GTF2H1: variants seen among roughly 807,000 people sequenced by gnomAD.
The protein encoded by GTF2H1 is general transcription factor IIH subunit 1.
GTF2H1 carries 16 observed loss-of-function variants against 71.2 expected under a neutral mutation model. The ratio of observed to expected loss-of-function variants is 0.22; its 90% CI spans 0.15 to 0.34. GTF2H1 has a LOEUF of 0.34. GTF2H1 is among the 10% of genes least tolerant of loss of function. The probability of loss-of-function intolerance (pLI) is 1.00; values close to 1 mark genes in which losing one functional copy is unlikely to be tolerated. For synonymous variants in GTF2H1, 215 were observed against 219.0 expected, an observed-to-expected ratio of 0.98 and a Z score of 0.16; for missense variants, 498 against 648.2, an observed-to-expected ratio of 0.77 and a Z score of 2.52.
intron 1 of GTF2H1, among the ~76,000 whole-genome samples, chr11:18,326,717 C>T (rs879590656): frequency 2.0e-5 from 3 of 152,084 alleles, no homozygotes; most frequent in Non-Finnish European, 4.4e-5. Flanking sequence ...TATCAGCTGT[C>T]CTTGCTCACT....
At chr11:18,324,966 C>T (rs1398659972) in intron 1 of GTF2H1, among the ~76,000 whole-genome samples, 1 of 152,168 alleles carries the variant, frequency 6.6e-6, no homozygotes, top group East Asian at 1.9e-4. Flanking sequence ...TGAAATTATC[C>T]TTAAAACAGT....
intron 1 of GTF2H1, among the ~76,000 whole-genome samples, chr11:18,325,517 G>T (rs764679029): frequency 2.0e-5 from 3 of 152,220 alleles, no homozygotes; most frequent in Non-Finnish European, 2.9e-5. Context: ...CTATATTACA[G>T]AGAACCCGAC....
At chr11:18,334,780 G>A (rs1325213338) in intron 2 of GTF2H1, among the ~76,000 whole-genome samples, 1 of 152,078 alleles carries the variant, frequency 6.6e-6, no homozygotes, top group Non-Finnish European at 1.5e-5. Context: ...TACGTAATAT[G>A]CCCCACCTAG....
chr11:18,356,123 C>T (rs1167971578), intron 11 of GTF2H1, among the ~76,000 whole-genome samples: 1 of 152,160 alleles, frequency 6.6e-6, no homozygotes, highest in Non-Finnish European at 1.5e-5. Context: ...GTGACTCACA[C>T]CTATAGTCCC....
At chr11:18,343,512 A>C (rs1194315333) in intron 7 of GTF2H1, among the ~76,000 whole-genome samples, 1 of 152,082 alleles carries the variant, frequency 6.6e-6, no homozygotes, top group Non-Finnish European at 1.5e-5. Flanking sequence ...ACAGGCTATG[A>C]TCTATGGCCT....
rs774747871 is a variant in GTF2H1 at position 18,347,844 on chromosome 11, T to G, written c.978T>G (p.Asn326Lys). Residue 326 changes from asparagine (N) to lysine (K), a missense_variant, in exon 9 of 15, where the codon AAT becomes AAG. This residue lies in a region of GTF2H1 where 266 missense variants were observed against 301.6 expected (regional missense o/e 0.88). Coordinates refer to ENST00000265963, the MANE Select transcript of GTF2H1 (RefSeq NM_005316.4). The stretch of plus-strand genomic sequence containing the variant: ...CCTTTATTTTAAGAGAAGCACAAAA[T>G]GAACAAACTAGTGAGCCCAGCAACA... ...AAGLRKQEAQ[N>K]EQTSEPSNMD... The G allele has an allele frequency of 6.2e-7, 1 of 1,604,508 alleles. No homozygotes were observed. Among genetic ancestry groups the G allele is most frequent in the Admixed American group, 1.8e-5 (1 of 57,026 alleles).
chr11:18,326,945 C>T (rs1362136618), intron 1 of GTF2H1, among the ~76,000 whole-genome samples: 1 of 151,944 alleles, frequency 6.6e-6, no homozygotes, highest in Non-Finnish European at 1.5e-5. Flanking sequence ...AATATGTTCT[C>T]TAACTCCCAA....
At chr11:18,335,621 A>T in intron 2 of GTF2H1, 133 bp from the exon 3 acceptor site, 1 of 627,158 alleles carries the variant, frequency 1.6e-6, no homozygotes. Context: ...TGCATTCTAC[A>T]AAAGCATCAG....
At chr11:18,357,798 A>G (rs1239926505) in intron 11 of GTF2H1, among the ~76,000 whole-genome samples, 154 bp from the exon 12 acceptor site, 1 of 152,168 alleles carries the variant, frequency 6.6e-6, no homozygotes, top group Non-Finnish European at 1.5e-5. Flanking sequence ...CCCTCAAGGA[A>G]AATAGTTCAC....
intron 7 of GTF2H1, among the ~76,000 whole-genome samples, chr11:18,344,135 C>T (rs1865228211): frequency 6.6e-6 from 1 of 152,092 alleles, no homozygotes; most frequent in East Asian, 1.9e-4. Flanking sequence ...ATGTTTTCCT[C>T]CTGTTATGTC....
At chr11:18,326,659 C>T (rs1472036775) in intron 1 of GTF2H1, among the ~76,000 whole-genome samples, 2 of 152,072 alleles carry the variant, frequency 1.3e-5, no homozygotes, top group Non-Finnish European at 2.9e-5. Context: ...TTTTCCAATA[C>T]TAACACTTTA....
intron 7 of GTF2H1, among the ~76,000 whole-genome samples, chr11:18,346,070 G>A (rs1398526889): frequency 6.6e-6 from 1 of 152,150 alleles, no homozygotes; most frequent in Admixed American, 6.5e-5. Context: ...GATTACAGGC[G>A]TAAGCCACCA....
At chr11:18,352,979 A>ACTTT (rs1276378565) in intron 11 of GTF2H1, among the ~76,000 whole-genome samples, 1 of 152,252 alleles carries the variant, frequency 6.6e-6, no homozygotes, top group African/African-American at 2.4e-5. Flanking sequence ...TAATCCCAAT[A>ACTTT]CTTTGGGAGG....
chr11:18,334,386 A>G (rs1052794642), intron 2 of GTF2H1, among the ~76,000 whole-genome samples: 1 of 152,142 alleles, frequency 6.6e-6, no homozygotes, highest in Non-Finnish European at 1.5e-5. Flanking sequence ...AAAAAGACAT[A>G]TATTTCTGAG....
At chr11:18,364,520 A>G (rs1590202369) in intron 14 of GTF2H1, among the ~76,000 whole-genome samples, 1 of 152,212 alleles carries the variant, frequency 6.6e-6, no homozygotes, top group East Asian at 1.9e-4. Context: ...GTTTGAGACT[A>G]TAGTAAACTA....
intron 11 of GTF2H1, among the ~76,000 whole-genome samples, 176 bp from the exon 12 acceptor site, chr11:18,357,776 A>G (rs1212106081): frequency 1.3e-5 from 2 of 151,984 alleles, no homozygotes; most frequent in Non-Finnish European, 2.9e-5. Flanking sequence ...TTCTACACGG[A>G]TTGTGTTTCT....
Position 18,335,899 on chromosome 11 carries a change from G to T in GTF2H1, c.300G>T (p.Leu100=), listed in dbSNP as rs748783910. The T allele has an allele frequency of 6.2e-7, 1 of 1,614,152 alleles. No homozygotes were observed. Among genetic ancestry groups the T allele is most frequent in the South Asian group, 1.1e-5 (1 of 91,076 alleles). ...DAVKDLLQQL[L]PKFKRKANKE... ...TAAAAGACCTTCTTCAGCAGCTGCTGCCCAAATTCAAGAGGAAAGCAAATA... is the reference window on the plus strand; with the variant it reads ...TAAAAGACCTTCTTCAGCAGCTGCTTCCCAAATTCAAGAGGAAAGCAAATA... The change falls in exon 3 of 15, where the codon CTG becomes CTT. Residue 100 remains leucine (L), a synonymous_variant. Transcript: ENST00000265963.
chr11:18,355,753 G>A (rs1390417973), intron 11 of GTF2H1, among the ~76,000 whole-genome samples: 1 of 151,946 alleles, frequency 6.6e-6, no homozygotes, highest in Non-Finnish European at 1.5e-5. Context: ...GAGCTCAAGC[G>A]ATCCACCTGC....
Position 18,324,052 on chromosome 11 carries a change from ATT to A in GTF2H1, c.-16+1326_-16+1327del, listed in dbSNP as rs11287920. Among the ~76,000 whole-genome samples, 218 of 145,942 alleles carry A rather than the reference ATT, an allele frequency of 1.5e-3. 1 individual carries two copies. Among genetic ancestry groups the A allele is most frequent in the East Asian group, 2.6e-3 (13 of 4,990 alleles). On this transcript the variant is annotated intron_variant, in intron 1 of 14. Coordinates refer to ENST00000265963, the MANE Select transcript of GTF2H1 (RefSeq NM_005316.4). ...GGTCTGCTATCCTCACTCAGCCGAC[ATT>A]TTTTTTTTTTTTTGAGACGGAGTTT...
Sources: allele counts gnomAD v4.1 joint callset (sites outside exome capture counted in the v4.1 genomes callset), GRCh38; gene constraint gnomAD v4.1.1; regional missense constraint gnomAD v4.1.1; transcripts MANE v1.5; gene names NCBI Gene and HGNC (gene_info 2026-07-23, HGNC 2026-07-21).